PCDHGA1: variants seen among roughly 807,000 people sequenced by gnomAD.
PCDHGA1 encodes protocadherin gamma-A1.
A neutral mutation model predicts 58.0 loss-of-function variants in PCDHGA1; 32 were observed. That is an observed-to-expected ratio of 0.55 (90% CI 0.42 to 0.74). The LOEUF (loss-of-function observed/expected upper bound fraction) is 0.74. Among genes scored for constraint, PCDHGA1 ranks in the 30% least tolerant of loss-of-function variants. The pLI is 0.00. For synonymous variants in PCDHGA1, 498 were observed against 501.1 expected (o/e 0.99, Z 0.08); for missense variants, 1,205 against 1,182.3 (o/e 1.02, Z -0.28).
At position 141,502,349 on chromosome 5, in the gene PCDHGA1, T is replaced by C. The variant is rs369766657; in HGVS notation, c.2481-3044T>C. 1.3e-3 allele frequency among the ~76,000 whole-genome samples: 200 copies of C among 152,292 alleles called. 3 individuals carry two copies. In the South Asian group the frequency reaches 0.034, roughly 26 times the overall value. On this transcript the variant is annotated intron_variant, in intron 2 of 3. Transcript: ENST00000517417. ...GCTCCCAGTCTTTTTATTTTTTTAA[T>C]GACATGGATATTTTTAAAGAGTCCA...
chr5:141,447,709 T>C (rs896203283), intron 1 of PCDHGA1, among the ~76,000 whole-genome samples: 1 of 152,210 alleles, frequency 6.6e-6, no homozygotes, highest in East Asian at 1.9e-4. Context: ...TATAAGGATG[T>C]ACACATTTTC....
At chr5:141,417,503 TAA>T in intron 1 of PCDHGA1, 1 of 229,962 alleles carries the variant, frequency 4.3e-6, no homozygotes, top group East Asian at 9.7e-5. Flanking sequence ...GGAAAAAGAT[TAA>T]AATATTTTGG....
Position 141,486,335 on chromosome 5 carries a change from C to T in PCDHGA1, c.2422-8472C>T, listed in dbSNP as rs762408704. ...AGGGTCAAACGGAGATGTGAGCCTC[C>T]GCATTCCTGACCACTTGCCATTTGC... On this transcript the variant is annotated intron_variant, in intron 1 of 3. Transcript: ENST00000517417. The surrounding 1 kb of genome is among the most constrained non-coding windows in gnomAD (Gnocchi z 5.0). 6.2e-6 allele frequency: 10 copies of T among 1,613,936 alleles called. No individual in the cohort carries two copies. Among genetic ancestry groups the T allele is most frequent in the Middle Eastern group, 1.6e-4 (1 of 6,082 alleles).
At chr5:141,423,163 G>A (rs758720418) in intron 1 of PCDHGA1, 2 of 1,613,480 alleles carry the variant, frequency 1.2e-6, no homozygotes, top group South Asian at 2.2e-5. Context: ...CCTCGTGGTG[G>A]CCGTCCAGGA....
chr5:141,381,823 CTTCT>C (rs1777510060), intron 1 of PCDHGA1, among the ~76,000 whole-genome samples: 4 of 101,610 alleles, frequency 3.9e-5, no homozygotes, highest in African/African-American at 4.3e-5. Flanking sequence ...TTTCTTTCTT[CTTCT>C]TTTTTTTTTT....
Position 141,490,943 on chromosome 5 carries a change from G to A in PCDHGA1, c.2422-3864G>A, listed in dbSNP as rs1035375216. The A allele has an allele frequency of 6.8e-6, 11 of 1,613,470 alleles. No homozygotes were observed. The East Asian group carries it at 1.1e-4, about 16-fold the overall frequency. On this transcript the variant is annotated intron_variant, in intron 1 of 3. Coordinates refer to ENST00000517417, the MANE Select transcript of PCDHGA1 (RefSeq NM_018912.3). This position sits in a 1 kb window ranked among gnomAD's most constrained non-coding sequence, Gnocchi z 5.4. Reference sequence around the variant, plus strand: ...AATGCCCCAGCTGTGCTGCACCCACGGCCAGACTGGGAACACTCAGCCCCC... The same window carrying A: ...AATGCCCCAGCTGTGCTGCACCCACAGCCAGACTGGGAACACTCAGCCCCC...
chr5:141,331,991 C>G lies in PCDHGA1; in HGVS notation c.1307C>G (p.Thr436Ser), dbSNP rs550092958. 1.7e-4 allele frequency: 275 copies of G among 1,614,130 alleles called. No individual in the cohort carries two copies. In the South Asian group the frequency reaches 2.8e-3, roughly 17 times the overall value. The change falls in exon 1 of 4, where the codon ACT (threonine) becomes AGT (serine). Residue 436 changes from threonine to serine, a missense_variant. Physicochemically the swap from Thr to Ser is moderately conservative, Grantham distance 58 (BLOSUM62 1). Coordinates refer to ENST00000517417, the MANE Select transcript of PCDHGA1 (RefSeq NM_018912.3). Reference sequence around the variant, plus strand: ...GGAACTCCAGCTCTATCTACTGAAACTCACATTTCACTACTAGTGACAGAT... The same window carrying G: ...GGAACTCCAGCTCTATCTACTGAAAGTCACATTTCACTACTAGTGACAGAT... ...DQGTPALSTE[T>S]HISLLVTDIN...
intron 1 of PCDHGA1, chr5:141,418,103 G>A: frequency 1.2e-6 from 2 of 1,614,076 alleles, no homozygotes; most frequent in African/African-American, 1.3e-5. Flanking sequence ...CGCGCAGAGC[G>A]GGGACTTACT....
At position 141,491,423 on chromosome 5, in the gene PCDHGA1, G is replaced by A; in HGVS notation, c.2422-3384G>A. The A allele has an allele frequency of 3.1e-6, 5 of 1,614,126 alleles. No homozygotes were observed. Among genetic ancestry groups the A allele is most frequent in the Non-Finnish European group, 4.2e-6 (5 of 1,180,036 alleles). ...AACGCAGACGGGGACGGGGGTGGAGGGCAGTGCTGCAGGCGCCAGGACTCA... is the reference window on the plus strand; with the variant it reads ...AACGCAGACGGGGACGGGGGTGGAGAGCAGTGCTGCAGGCGCCAGGACTCA... On this transcript the variant is annotated intron_variant, in intron 1 of 3. Transcript: ENST00000517417. The surrounding 1 kb of genome is among the most constrained non-coding windows in gnomAD (Gnocchi z 6.9).
At chr5:141,393,374 T>A (rs11575958) in intron 1 of PCDHGA1, 1 of 1,613,626 alleles carries the variant, frequency 6.2e-7, no homozygotes, top group Admixed American at 1.7e-5. Context: ...CTGGAGACAA[T>A]GGAGCCATAA....
At chr5:141,391,869 T>A (rs2092430763) in intron 1 of PCDHGA1, 2 of 152,218 alleles carry the variant, frequency 1.3e-5, no homozygotes, top group Admixed American at 1.3e-4. Flanking sequence ...AATTTAATCA[T>A]CTCTTTGGTG....
intron 1 of PCDHGA1, among the ~76,000 whole-genome samples, chr5:141,420,626 C>T (rs1192244062): frequency 6.6e-6 from 1 of 152,152 alleles, no homozygotes; most frequent in Non-Finnish European, 1.5e-5. Flanking sequence ...TTCATTTACT[C>T]AATAAAGGAA....
chr5:141,356,017 GC>G, intron 1 of PCDHGA1: 1 of 1,613,934 alleles, frequency 6.2e-7, no homozygotes, highest in Non-Finnish European at 8.5e-7. Context: ...AGATGAAGGA[GC>G]CAATGGAGAC....
At position 141,409,225 on chromosome 5, in the gene PCDHGA1, C is replaced by T. The variant is rs781617309; in HGVS notation, c.2421+76120C>T. 59 of 1,613,878 alleles carry T rather than the reference C, an allele frequency of 3.7e-5. 2 individuals carry two copies. The East Asian group carries it at 1.1e-3, about 30-fold the overall frequency. On this transcript the variant is annotated intron_variant, in intron 1 of 3. Coordinates refer to ENST00000517417, the MANE Select transcript of PCDHGA1 (RefSeq NM_018912.3). ...TAATCATAGAAATCCTTGATGAAAA[C>T]GACAACAGCCCAGAAATAATCATCA...
intron 1 of PCDHGA1, among the ~76,000 whole-genome samples, chr5:141,349,082 T>G (rs1385780798): frequency 6.6e-6 from 1 of 152,112 alleles, no homozygotes; most frequent in Non-Finnish European, 1.5e-5. Flanking sequence ...TTATAGAGAA[T>G]GTTTTTGAGA....
At chr5:141,389,445 G>C in intron 1 of PCDHGA1, 3 of 1,610,528 alleles carry the variant, frequency 1.9e-6, no homozygotes, top group Non-Finnish European at 2.5e-6. Flanking sequence ...CTTCGACCAC[G>C]AGCAGCTGCG....
At chr5:141,404,495 T>A in intron 1 of PCDHGA1, 1 of 1,613,920 alleles carries the variant, frequency 6.2e-7, no homozygotes, top group South Asian at 1.1e-5. Context: ...TGGTGTGCTG[T>A]ATGCTCTGTG....
At chr5:141,430,149 C>T (rs1051033560) in intron 1 of PCDHGA1, among the ~76,000 whole-genome samples, 4 of 151,968 alleles carry the variant, frequency 2.6e-5, no homozygotes, top group African/African-American at 9.7e-5. Flanking sequence ...CAGGATCATT[C>T]AAGGAATCTA....
In PCDHGA1 at chr5:141,474,831, G is replaced by A. The variant is rs188288898; in HGVS notation, c.2422-19976G>A. On this transcript the variant is annotated intron_variant, in intron 1 of 3. Coordinates refer to ENST00000517417, the MANE Select transcript of PCDHGA1 (RefSeq NM_018912.3). ...CATCATTAATTGAGGCTTACTCTGTGCCAGGCACTTTACCTGCCTTCTTCA... is the reference window on the plus strand; with the variant it reads ...CATCATTAATTGAGGCTTACTCTGTACCAGGCACTTTACCTGCCTTCTTCA... 5.3e-5 allele frequency among the ~76,000 whole-genome samples: 8 copies of A among 152,350 alleles called. No individual in the cohort carries two copies. The East Asian group carries it at 1.5e-3, about 29-fold the overall frequency.
Sources: gnomAD v4.1 joint callset for allele counts (sites outside exome capture counted in the v4.1 genomes callset) on GRCh38, gnomAD v4.1.1 for gene constraint, Gnocchi (gnomAD v3.1) non-coding constraint, MANE v1.5 for transcripts, NCBI Gene and HGNC (gene_info 2026-07-23, HGNC 2026-07-21) for gene names.